The following SNAPC4 variants were observed in gnomAD, a reference collection of about 807,000 sequenced individuals.
SNAPC4 encodes snRNA-activating protein complex subunit 4.
Under a neutral mutation model 151.3 loss-of-function variants are expected in SNAPC4, and 127 were observed. That is an observed-to-expected ratio of 0.84 (90% CI 0.73 to 0.97). The LOEUF (loss-of-function observed/expected upper bound fraction) is 0.97. SNAPC4 is among the 50% of genes least tolerant of loss of function. The probability of loss-of-function intolerance (pLI) is 0.00; values close to 1 mark genes in which losing one functional copy is unlikely to be tolerated. For synonymous variants in SNAPC4, 1,002 were observed against 824.4 expected, an observed-to-expected ratio of 1.22 and a Z score of -3.69; for missense variants, 2,186 against 1,935.0, an observed-to-expected ratio of 1.13 and a Z score of -2.43.
At chr9:136,379,736 C>T in intron 21 of SNAPC4, 101 bp downstream of exon 21, 1 of 1,093,050 alleles carries the variant, frequency 9.1e-7, no homozygotes, top group Non-Finnish European at 1.4e-6. Flanking sequence ...ACAGGCTGTG[C>T]TGCTTGGGGG....
intron 7 of SNAPC4, 50 bp downstream of exon 7, chr9:136,394,199 G>A (rs375839702): frequency 2.8e-6 from 4 of 1,422,542 alleles, no homozygotes; most frequent in African/African-American, 1.4e-5. Flanking sequence ...CCAGGCATGA[G>A]CCCTATGCCC....
intron 7 of SNAPC4, among the ~76,000 whole-genome samples, chr9:136,393,042 C>T (rs1204814630): frequency 6.6e-5 from 10 of 152,196 alleles, no homozygotes; most frequent in Admixed American, 5.9e-4. Flanking sequence ...CACAGCCCTC[C>T]GGAGCCTCAG....
intron 3 of SNAPC4, among the ~76,000 whole-genome samples, chr9:136,396,431 T>C (rs1834276963): frequency 6.6e-6 from 1 of 152,222 alleles, no homozygotes; most frequent in Admixed American, 6.5e-5. Flanking sequence ...TTTTTCTTTT[T>C]TTTGAGACAG....
intron 10 of SNAPC4, among the ~76,000 whole-genome samples, chr9:136,390,398 A>T: frequency 6.6e-6 from 1 of 151,826 alleles, no homozygotes; most frequent in East Asian, 1.9e-4. Context: ...TACTAAAAAT[A>T]CAAAAAATTA....
At chr9:136,396,477 T>A (rs897040250) in intron 3 of SNAPC4, among the ~76,000 whole-genome samples, 12 of 152,262 alleles carry the variant, frequency 7.9e-5, no homozygotes, top group South Asian at 2.1e-4. Flanking sequence ...AGTGCAGTGG[T>A]GCAATCACAG....
intron 20 of SNAPC4, 47 bp from the exon 21 acceptor site, chr9:136,379,911 G>A: frequency 6.3e-7 from 1 of 1,584,904 alleles, no homozygotes. Flanking sequence ...GTCCTCTGCT[G>A]GCTTGGACCA....
chr9:136,397,250 A>G (rs976016624), intron 2 of SNAPC4, among the ~76,000 whole-genome samples: 1 of 152,166 alleles, frequency 6.6e-6, no homozygotes, highest in African/African-American at 2.4e-5. Flanking sequence ...GGGGACCTCC[A>G]GGCACACAGG....
chr9:136,387,593 C>T lies in SNAPC4; in HGVS notation c.1231-14G>A. On this transcript the variant is annotated splice_polypyrimidine_tract_variant and intron_variant, in intron 12 of 23. Coordinates refer to ENST00000684778, the MANE Select transcript of SNAPC4 (RefSeq NM_003086.4). ...TTGAAGCAACTTCTGCAGGAAGGGA[C>T]AGGCAGACAAGTGAAGCCTCTGCAG... 2 of 1,599,150 alleles carry T rather than the reference C, an allele frequency of 1.3e-6. No individual in the cohort carries two copies. The highest frequency in any genetic ancestry group is 1.1e-5 in the South Asian group (1 of 90,796).
chr9:136,392,203 G>A, intron 9 of SNAPC4, 97 bp from the exon 10 acceptor site: 1 of 1,442,490 alleles, frequency 6.9e-7, no homozygotes. Context: ...CCAGCTGGAG[G>A]CTTCCACGGC....
rs1389937489 is a variant in SNAPC4, at chr9:136,378,886, GTC to G, written c.2939_2940del (p.Arg980ThrfsTer59). The stretch of plus-strand genomic sequence containing the variant: ...AGGGGCAGGGCTTGCATGGTGGAGA[GTC>G]TCTTGTCCTTGGCTGAAGTCCCAGC... Reference protein sequence around the residue: ...QEAGTSAKDKRLSTMQALPLA... With the variant: ...QEAGTSAKDKXLSTMQALPLA... On this transcript the variant is annotated frameshift_variant, in exon 22 of 24. Coordinates refer to ENST00000684778, the MANE Select transcript of SNAPC4 (RefSeq NM_003086.4). LOFTEE classifies it high-confidence loss of function. The G allele has an allele frequency of 1.9e-6, 3 of 1,611,406 alleles. No homozygotes were observed. The highest frequency in any genetic ancestry group is 2.5e-6 in the Non-Finnish European group (3 of 1,179,602).
chr9:136,398,064 T>C (rs528700989), intron 2 of SNAPC4, among the ~76,000 whole-genome samples: 6 of 152,096 alleles, frequency 3.9e-5, no homozygotes, highest in Admixed American at 3.9e-4. Flanking sequence ...GCACCAGCCA[T>C]CGTTTATTAT....
At chr9:136,385,973 C>T (rs1177713670) in intron 13 of SNAPC4, among the ~76,000 whole-genome samples, 1 of 152,146 alleles carries the variant, frequency 6.6e-6, no homozygotes, top group African/African-American at 2.4e-5. Flanking sequence ...CTGCTGTGGA[C>T]ATTGTTGTAT....
intron 7 of SNAPC4, among the ~76,000 whole-genome samples, chr9:136,393,456 CTCTG>C (rs202189980): frequency 0.022 from 3,397 of 152,330 alleles, 56 homozygotes; most frequent in Middle Eastern, 0.095. Flanking sequence ...CTGGGAGCAG[CTCTG>C]TCTTTGACCA....
chr9:136,394,149 A>C (rs1455744295), intron 7 of SNAPC4, 100 bp downstream of exon 7: 1 of 965,922 alleles, frequency 1.0e-6, no homozygotes, highest in East Asian at 2.4e-5. Context: ...AACTGGGTTC[A>C]AGAGATCCTC....
intron 10 of SNAPC4, among the ~76,000 whole-genome samples, chr9:136,390,783 A>C (rs1238600662): frequency 6.6e-6 from 1 of 152,076 alleles, no homozygotes; most frequent in Admixed American, 6.5e-5. Context: ...TATGTGTACC[A>C]AACTATGTAG....
intron 4 of SNAPC4, 72 bp from the exon 5 acceptor site, chr9:136,395,495 G>A: frequency 6.3e-7 from 1 of 1,578,398 alleles, no homozygotes; most frequent in Non-Finnish European, 8.6e-7. Context: ...GGAGACCCGG[G>A]GCAGAGGAGA....
Position 136,394,792 on chromosome 9 carries a change from G to T in SNAPC4, c.550+8C>A, listed in dbSNP as rs771878991. ...CAGGGGTGCCGCAGGGCCGGCCAGG[G>T]CTCTTACATTTGGTCACAAGGAGCT... On this transcript the variant is annotated splice_region_variant and intron_variant, in intron 6 of 23. Coordinates refer to ENST00000684778, the MANE Select transcript of SNAPC4 (RefSeq NM_003086.4). 3 of 1,613,368 alleles carry T rather than the reference G, an allele frequency of 1.9e-6. No homozygotes were observed. The highest frequency in any genetic ancestry group is 1.1e-5 in the South Asian group (1 of 91,078).
chr9:136,378,366 G>A lies in SNAPC4; in HGVS notation c.3461C>T (p.Ala1154Val), dbSNP rs1405397866. The A allele has an allele frequency of 1.2e-6, 2 of 1,611,144 alleles. No individual in the cohort carries two copies. The highest frequency in any genetic ancestry group is 2.2e-5 in the East Asian group (1 of 44,844). The part of the protein sequence containing the change: ...PEPSCRTDTP[A>V]PPTHALSQSP... The stretch of plus-strand genomic sequence containing the variant: ...TTGGGAGAGGGCGTGTGTGGGAGGA[G>A]CTGGGGTGTCTGTCCTGCAGGAAGG... Residue 1154 changes from alanine (A) to valine (V), a missense_variant, in exon 22 of 24, where the codon GCT (alanine) becomes GTT (valine). Transcript: ENST00000684778.
Position 136,398,456 on chromosome 9 carries a change from C to G in SNAPC4, c.-9-19G>C, listed in dbSNP as rs769279388. 1.2e-6 allele frequency: 2 copies of G among 1,605,720 alleles called. No homozygotes were observed. Among genetic ancestry groups the G allele is most frequent in the South Asian group, 2.2e-5 (2 of 90,890 alleles). On this transcript the variant is annotated intron_variant, in intron 1 of 23. Coordinates refer to ENST00000684778, the MANE Select transcript of SNAPC4 (RefSeq NM_003086.4). ...CTCCCGCCTGCCTCCAAAACACACC[C>G]CGAGATGTTAGAAACCAAGACCGTG...
Sources: gnomAD v4.1 joint callset for allele counts (sites outside exome capture counted in the v4.1 genomes callset) on GRCh38, gnomAD v4.1.1 for gene constraint, MANE v1.5 for transcripts, NCBI Gene and HGNC (gene_info 2026-07-23, HGNC 2026-07-21) for gene names.